The following TUBB8B variants were observed in gnomAD, a reference collection of about 807,000 sequenced individuals.
TUBB8B encodes the protein HSA18p11 beta-tubulin 4Q pseudogene.
TUBB8B carries 26 observed loss-of-function variants against 31.9 expected under a neutral mutation model. The ratio of observed to expected loss-of-function variants is 0.81; its 90% confidence interval spans 0.60 to 1.13. The LOEUF is 1.13. Among genes scored for constraint, TUBB8B ranks in the 50% most tolerant of loss-of-function variants. TUBB8B has a pLI of 0.00. For missense variants in TUBB8B, 467 were observed against 586.7 expected, an observed-to-expected ratio of 0.80 and a Z score of 2.11; for synonymous variants, 173 against 231.0, an observed-to-expected ratio of 0.75 and a Z score of 2.28.
At chr18:70,152 C>G in the TUBB8B span, among the ~76,000 whole-genome samples, 3 of 152,076 alleles carry the variant, frequency 2.0e-5, no homozygotes, top group African/African-American at 7.2e-5. Context: ...AGAGCAAAAC[C>G]CTGTCTCAAA....
upstream of TUBB8B, chr18:50,632 G>T (rs76893502): frequency 6.6e-6 from 1 of 150,618 alleles, no homozygotes; most frequent in African/African-American, 2.4e-5. Context: ...TTATACTCCT[G>T]TGATTGGTAC....
chr18:52,232 G>GT (rs1416585000), upstream of TUBB8B, among the ~76,000 whole-genome samples: 2 of 151,980 alleles, frequency 1.3e-5, 1 homozygote, highest in Admixed American at 1.3e-4. Flanking sequence ...GCTGAGGAAA[G>GT]TAAAAGCTAA....
chr18:63,547 C>A, the TUBB8B span, among the ~76,000 whole-genome samples: 1 of 151,660 alleles, frequency 6.6e-6, no homozygotes, highest in African/African-American at 2.4e-5. Flanking sequence ...TTGAAGTAGG[C>A]ATAGAACTTG....
At chr18:49,084 G>C (rs1568384113) in intron 2 of TUBB8B, 34 bp from the exon 3 acceptor site, 1 of 1,494,596 alleles carries the variant, frequency 6.7e-7, no homozygotes, top group East Asian at 2.3e-5. Context: ...GCGAGGGGAG[G>C]GCCGCGTTCC....
Position 47,922 on chromosome 18 carries a change from G to A in TUBB8B, c.803C>T (p.Pro268Leu), listed in dbSNP as rs763777245. Residue 268 changes from proline (P) to leucine (L), a missense_variant, in exon 4 of 4, where the codon CCC becomes CTC. Around this residue, in one of 2 missense-constraint regions of TUBB8B, gnomAD observed 259 missense variants for 380.1 expected, o/e 0.68. Coordinates refer to ENST00000308911, the MANE Select transcript of TUBB8B (RefSeq NM_001358689.2). ...VPFPRLHFFM[P>L]GFAPLTSRGS... ...CCGGCTGGTCAGTGGGGCAAAGCCGGGCATGAAGAAATGCAGCCGGGGAAA... is the reference window on the plus strand; with the variant it reads ...CCGGCTGGTCAGTGGGGCAAAGCCGAGCATGAAGAAATGCAGCCGGGGAAA... 22 of 1,611,398 alleles carry A rather than the reference G, an allele frequency of 1.4e-5. No homozygotes were observed. The highest frequency in any genetic ancestry group is 1.8e-5 in the Non-Finnish European group (21 of 1,179,844).
the TUBB8B span, among the ~76,000 whole-genome samples, chr18:55,089 T>G: frequency 6.6e-6 from 1 of 151,978 alleles, no homozygotes; most frequent in Non-Finnish European, 1.5e-5. Context: ...ATAAAAAAAC[T>G]GAGACTGGGT....
At chr18:68,557 G>A in the TUBB8B span, among the ~76,000 whole-genome samples, 3 of 152,126 alleles carry the variant, frequency 2.0e-5, no homozygotes, top group Admixed American at 6.5e-5. Flanking sequence ...CAGACCCTGC[G>A]TTCCCAGGGA....
chr18:53,616 G>A (rs187140583), upstream of TUBB8B, among the ~76,000 whole-genome samples: 387 of 151,888 alleles, frequency 2.5e-3, 5 homozygotes, highest in African/African-American at 9.1e-3. Context: ...TTACAGGCAT[G>A]AATCACCACA....
Position 49,553 on chromosome 18 carries a change from C to T in TUBB8B, c.5G>A (p.Arg2Lys), listed in dbSNP as rs545258011. 4.0e-5 allele frequency: 35 copies of T among 868,680 alleles called. 1 individual carries two copies. Among genetic ancestry groups the T allele is most frequent in the Non-Finnish European group, 3.7e-6 (2 of 547,464 alleles). The allele number at this position is 868,680 out of a possible 1,614,324, so 53.8% of individuals were successfully genotyped here. A position where few individuals can be genotyped will look rare whatever the true frequency, so the allele number is the denominator to read the frequency against. M[R>K]EIVLTQTGQC... ...CCCGGTCTGCGTGAGCACGATTTCC[C>T]TCATGGCCAAGGCAGGATTAGGGCG... The change falls in exon 1 of 4, where the codon AGG becomes AAG. Residue 2 changes from arginine to lysine, a missense_variant. Arg to Lys is a conservative substitution (Grantham distance 26). Transcript: ENST00000308911.
chr18:48,656 C>G, intron 3 of TUBB8B: 1 of 662,906 alleles, frequency 1.5e-6, no homozygotes, highest in Admixed American at 2.2e-5. Context: ...GAGACGGGTT[C>G]ACAGACCTCG....
the TUBB8B span, among the ~76,000 whole-genome samples, chr18:67,066 G>A: frequency 6.6e-6 from 1 of 151,134 alleles, no homozygotes; most frequent in African/African-American, 2.4e-5. Flanking sequence ...CAAGATCTCG[G>A]CTCACTGCAA....
chr18:62,576 G>A, the TUBB8B span, among the ~76,000 whole-genome samples: 10 of 151,132 alleles, frequency 6.6e-5, no homozygotes, highest in African/African-American at 2.2e-4. Flanking sequence ...CCACCACCAC[G>A]CCCAGTTAAT....
upstream of TUBB8B, among the ~76,000 whole-genome samples, chr18:51,688 C>T (rs1906113468): frequency 6.6e-6 from 1 of 151,798 alleles, no homozygotes; most frequent in Non-Finnish European, 1.5e-5. Flanking sequence ...CATCCACTGC[C>T]TTGGACTCCC....
the TUBB8B span, among the ~76,000 whole-genome samples, chr18:55,170 C>T: frequency 2.0e-5 from 3 of 151,776 alleles, no homozygotes; most frequent in African/African-American, 7.3e-5. Context: ...GGTATGATCT[C>T]GGTTCACTGC....
At chr18:64,027 CT>C in the TUBB8B span, among the ~76,000 whole-genome samples, 376 of 149,986 alleles carry the variant, frequency 2.5e-3, no homozygotes, top group African/African-American at 8.7e-3. Flanking sequence ...AACCCTAACC[CT>C]TAACCCTAAC....
the TUBB8B span, among the ~76,000 whole-genome samples, chr18:71,659 G>T: frequency 6.6e-6 from 1 of 151,534 alleles, no homozygotes; most frequent in Admixed American, 6.6e-5. Flanking sequence ...CAAGGCGGGT[G>T]GATCACTTGA....
chr18:62,894 A>G, the TUBB8B span, among the ~76,000 whole-genome samples: 1 of 151,618 alleles, frequency 6.6e-6, no homozygotes, highest in African/African-American at 2.4e-5. Context: ...CACTAAATCT[A>G]TCTTCTCCTT....
At chr18:73,099 G>T in the TUBB8B span, among the ~76,000 whole-genome samples, 3 of 151,946 alleles carry the variant, frequency 2.0e-5, no homozygotes, top group Admixed American at 1.3e-4. Flanking sequence ...CCCCTCTCCC[G>T]GTACCAGGGT....
chr18:57,668 C>A, the TUBB8B span, among the ~76,000 whole-genome samples: 17 of 152,044 alleles, frequency 1.1e-4, no homozygotes, highest in South Asian at 3.5e-3. Context: ...CCTCTCCTCA[C>A]AGATCTACTA....
Sources: allele counts gnomAD v4.1 joint callset (sites outside exome capture counted in the v4.1 genomes callset), GRCh38; gene constraint gnomAD v4.1.1; regional missense constraint gnomAD v4.1.1; transcripts MANE v1.5; gene names NCBI Gene and HGNC (gene_info 2026-07-23, HGNC 2026-07-21).